SPAG9: variants seen among roughly 807,000 people sequenced by gnomAD.
SPAG9 encodes sperm associated antigen 9.
SPAG9 carries 35 observed loss-of-function variants against 166.5 expected under a neutral mutation model. The observed-to-expected ratio is 0.21, with a 90% confidence interval of 0.16 to 0.28. SPAG9 has a LOEUF of 0.28. Among genes scored for constraint, SPAG9 ranks in the 10% least tolerant of loss-of-function variants. The pLI is 1.00. For synonymous variants in SPAG9, 534 were observed against 565.5 expected (o/e 0.94, Z 0.79); for missense variants, 1,235 against 1,603.3 (o/e 0.77, Z 3.92).
chr17:51,012,731 T>TTTATTTATTTA (rs1375742995), intron 9 of SPAG9, among the ~76,000 whole-genome samples: 2 of 84,826 alleles, frequency 2.4e-5, no homozygotes, highest in African/African-American at 6.2e-5. Flanking sequence ...ACTTTATTTA[T>TTTATTTATTTA]TTATTTATTT....
intron 4 of SPAG9, chr17:51,046,936 G>A: frequency 6.8e-7 from 1 of 1,463,194 alleles, no homozygotes. Context: ...AAGAGTCCTG[G>A]CTTAGCTCAT....
rs1973191288 is a variant in SPAG9, at chr17:50,962,854, A to C, written c.*3418T>G. ...ACAGTAACTGAAAGAATTGATTTTAACCTTTTCTATGCAAACACAATCTGA... is the reference window on the plus strand; with the variant it reads ...ACAGTAACTGAAAGAATTGATTTTACCCTTTTCTATGCAAACACAATCTGA... On this transcript the variant is annotated 3_prime_UTR_variant, in exon 30 of 30. Transcript: ENST00000262013. 6.6e-6 allele frequency: 1 copy of C among 152,226 alleles called. No homozygotes were observed. Among genetic ancestry groups the C allele is most frequent in the South Asian group, 2.1e-4 (1 of 4,828 alleles). The allele number at this position is 152,226 out of a possible 1,614,324, so 9.4% of individuals were successfully genotyped here. A position where few individuals can be genotyped will look rare whatever the true frequency, so the allele number is the denominator to read the frequency against.
intron 1 of SPAG9, among the ~76,000 whole-genome samples, chr17:51,115,135 G>A (rs1598208529): frequency 6.6e-6 from 1 of 152,072 alleles, no homozygotes; most frequent in Non-Finnish European, 1.5e-5. Flanking sequence ...GATTCCATGG[G>A]AACAAGTTAG....
chr17:51,024,184 C>T (rs186108423), intron 6 of SPAG9, among the ~76,000 whole-genome samples: 1 of 151,914 alleles, frequency 6.6e-6, no homozygotes, highest in African/African-American at 2.4e-5. Flanking sequence ...TCCAGCTACC[C>T]GGGAGGCAGA....
chr17:51,107,714 G>A lies in SPAG9; in HGVS notation c.303+12640C>T, dbSNP rs557184524. Among the ~76,000 whole-genome samples, 193 of 151,104 alleles carry A rather than the reference G, an allele frequency of 1.3e-3. 1 individual carries two copies. The highest frequency in any genetic ancestry group is 4.5e-3 in the African/African-American group (184 of 41,192). The stretch of plus-strand genomic sequence containing the variant: ...ATCATGCCATTGCACTCCAGCCTGG[G>A]CGACAGCAAGACTCCATCAAAAAAA... On this transcript the variant is annotated intron_variant, in intron 1 of 29. Transcript: ENST00000262013.
intron 1 of SPAG9, among the ~76,000 whole-genome samples, chr17:51,114,221 GGAGGCT>G (rs1340703974): frequency 6.6e-6 from 1 of 151,920 alleles, no homozygotes; most frequent in East Asian, 1.9e-4. Context: ...AAACTACTAG[GGAGGCT>G]GAGGCAGGAG....
intron 24 of SPAG9, among the ~76,000 whole-genome samples, chr17:50,984,469 A>G (rs1355130392): frequency 6.6e-6 from 1 of 152,156 alleles, no homozygotes; most frequent in Non-Finnish European, 1.5e-5. Context: ...GGCAGATCAC[A>G]AAGTCAGGAG....
chr17:51,013,000 G>A (rs2045554234), intron 9 of SPAG9, among the ~76,000 whole-genome samples: 2 of 151,946 alleles, frequency 1.3e-5, no homozygotes. Context: ...CAAAGTGTTG[G>A]GATTACAGGC....
At chr17:51,084,711 G>A (rs2048259958) in intron 1 of SPAG9, among the ~76,000 whole-genome samples, 1 of 152,062 alleles carries the variant, frequency 6.6e-6, no homozygotes, top group African/African-American at 2.4e-5. Flanking sequence ...ACCCAGTCCA[G>A]AAATTCTTAT....
At chr17:51,044,318 C>T (rs1233737362) in intron 4 of SPAG9, among the ~76,000 whole-genome samples, 4 of 152,156 alleles carry the variant, frequency 2.6e-5, no homozygotes, top group Admixed American at 2.0e-4. Context: ...ATGAGATACA[C>T]GTGGAAAACT....
intron 2 of SPAG9, among the ~76,000 whole-genome samples, chr17:51,075,640 A>G (rs1310516922): frequency 6.6e-6 from 1 of 152,142 alleles, no homozygotes; most frequent in Non-Finnish European, 1.5e-5. Flanking sequence ...CTTGAACAAC[A>G]TAACAAGACC....
At chr17:50,966,454 G>T in intron 29 of SPAG9, 67 bp from the exon 30 acceptor site, 1 of 999,092 alleles carries the variant, frequency 1.0e-6, no homozygotes, top group Non-Finnish European at 1.6e-6. Context: ...TGAGTCAGAT[G>T]TAATGCTCGT....
At chr17:51,091,651 T>TA (rs2048468878) in intron 1 of SPAG9, among the ~76,000 whole-genome samples, 1 of 148,454 alleles carries the variant, frequency 6.7e-6, no homozygotes. Context: ...ACATACCCAC[T>TA]TTTTTTTAAG....
intron 2 of SPAG9, among the ~76,000 whole-genome samples, chr17:51,077,029 T>TCTAGCTATCTAGCTAGCTATCTAGCTAG (rs1442787507): frequency 9.2e-5 from 6 of 65,270 alleles, no homozygotes; most frequent in African/African-American, 2.2e-4. Flanking sequence ...TATCTAGCTA[T>TCTAGCTATCTAGCTAGCTATCTAGCTAG]CTATCTAGCT....
At position 50,995,204 on chromosome 17, in the gene SPAG9, G is replaced by A. The variant is rs774154680; in HGVS notation, c.2079C>T (p.Val693=). The A allele has an allele frequency of 3.1e-6, 5 of 1,613,946 alleles. No individual in the cohort carries two copies. In the South Asian group the frequency reaches 5.5e-5, roughly 18 times the overall value. Residue 693 remains valine, a synonymous_variant, in exon 18 of 30, where the codon GTC becomes GTT. Coordinates refer to ENST00000262013, the MANE Select transcript of SPAG9 (RefSeq NM_001130528.3). ...TSMKLWCAVG[V]NLSGGKTRDG... The stretch of plus-strand genomic sequence containing the variant: ...CTCTGGTCTTCCCACCAGATAAATT[G>A]ACTCCAACAGCACACCACAGCTTCT...
chr17:50,999,116 CT>C (rs1265721300), intron 14 of SPAG9, among the ~76,000 whole-genome samples: 2 of 152,204 alleles, frequency 1.3e-5, no homozygotes, highest in African/African-American at 2.4e-5. Context: ...ATTTAAACAA[CT>C]ACTTTCGGGT....
At chr17:50,985,800 T>C in intron 22 of SPAG9, 22 bp from the exon 23 acceptor site, 3 of 1,407,912 alleles carry the variant, frequency 2.1e-6, no homozygotes, top group Non-Finnish European at 3.0e-6. Context: ...AAGTCAACAC[T>C]GGTAAGGCAT....
At chr17:51,004,125 T>C (rs1355036271) in intron 12 of SPAG9, among the ~76,000 whole-genome samples, 2 of 152,160 alleles carry the variant, frequency 1.3e-5, no homozygotes, top group Non-Finnish European at 2.9e-5. Flanking sequence ...AAAGGAAAAA[T>C]TAAACCATAT....
rs1024584994 is a variant in SPAG9, at chr17:51,037,153, A to G, written c.741+4348T>C. The stretch of plus-strand genomic sequence containing the variant: ...ACAAGGACTTTGTCACCCAGGCTGC[A>G]GTGCAGTGGCATGATCATGGCTCAC... On this transcript the variant is annotated intron_variant, in intron 5 of 29. Coordinates refer to ENST00000262013, the MANE Select transcript of SPAG9 (RefSeq NM_001130528.3). Among the ~76,000 whole-genome samples the G allele has an allele frequency of 3.6e-4, 55 of 152,140 alleles. 1 individual carries two copies. The highest frequency in any genetic ancestry group is 3.7e-4 in the Non-Finnish European group (25 of 68,036).
Sources: allele counts gnomAD v4.1 joint callset (sites outside exome capture counted in the v4.1 genomes callset), GRCh38; gene constraint gnomAD v4.1.1; transcripts MANE v1.5; gene names NCBI Gene and HGNC (gene_info 2026-07-23, HGNC 2026-07-21).